The following SLC9C2 variants were observed in gnomAD, a reference collection of about 807,000 sequenced individuals.
SLC9C2 encodes the protein sodium/hydrogen exchanger 11.
In SLC9C2, 75 loss-of-function variants were observed where a neutral mutation model predicts 140.2. The observed-to-expected ratio is 0.53, with a 90% confidence interval of 0.44 to 0.65. The LOEUF is 0.65. SLC9C2 is among the 30% of genes least tolerant of loss of function. SLC9C2 has a pLI of 0.00. For missense variants in SLC9C2, 1,074 were observed against 1,331.8 expected (o/e 0.81, Z 3.01); for synonymous variants, 375 against 420.9 (o/e 0.89, Z 1.34).
intron 4 of SLC9C2, among the ~76,000 whole-genome samples, chr1:173,591,980 C>A (rs1666190457): frequency 6.6e-6 from 1 of 152,088 alleles, no homozygotes; most frequent in African/African-American, 2.4e-5. Flanking sequence ...GCTTATCTTC[C>A]ATGGTTTTTA....
intron 9 of SLC9C2, among the ~76,000 whole-genome samples, chr1:173,558,939 T>C (rs540173483): frequency 4.6e-5 from 7 of 152,280 alleles, no homozygotes; most frequent in African/African-American, 1.4e-4. Flanking sequence ...TTGGAAAAGG[T>C]CCTTTGCTTT....
intron 23 of SLC9C2, among the ~76,000 whole-genome samples, chr1:173,515,494 G>A (rs1660354066): frequency 6.6e-6 from 1 of 152,164 alleles, no homozygotes; most frequent in Non-Finnish European, 1.5e-5. Flanking sequence ...TTCATGCTGT[G>A]TTTTTCAGCT....
At chr1:173,563,967 G>A (rs994700525) in intron 9 of SLC9C2, among the ~76,000 whole-genome samples, 9 of 151,930 alleles carry the variant, frequency 5.9e-5, no homozygotes, top group African/African-American at 1.9e-4. Context: ...TTGTCTTTCT[G>A]TGCCTGGCTT....
At chr1:173,533,490 G>C (rs775611296) in intron 17 of SLC9C2, 119 bp downstream of exon 17, 4 of 678,200 alleles carry the variant, frequency 5.9e-6, no homozygotes, top group Non-Finnish European at 1.0e-5. Flanking sequence ...TGTTACCCAG[G>C]TTGTCTCAAA....
chr1:173,591,259 T>C (rs997239519), intron 4 of SLC9C2, among the ~76,000 whole-genome samples: 4 of 152,236 alleles, frequency 2.6e-5, no homozygotes, highest in African/African-American at 9.6e-5. Context: ...ATGTACATTT[T>C]CTTTATACAA....
chr1:173,593,994 C>T (rs1418386003), intron 4 of SLC9C2, among the ~76,000 whole-genome samples: 1 of 151,982 alleles, frequency 6.6e-6, no homozygotes, highest in Non-Finnish European at 1.5e-5. Context: ...AACTACTGTA[C>T]AGAACACCAA....
At chr1:173,576,630 G>T in intron 8 of SLC9C2, 31 bp downstream of exon 8, 1 of 1,407,902 alleles carries the variant, frequency 7.1e-7, no homozygotes, top group Non-Finnish European at 1.0e-6. Context: ...ACTGCTATGA[G>T]ATCCATCGAA....
chr1:173,505,411 T>C, intron 25 of SLC9C2, 80 bp from the exon 26 acceptor site: 1 of 1,099,168 alleles, frequency 9.1e-7, no homozygotes, highest in Non-Finnish European at 1.4e-6. Context: ...TTCCAAAGAG[T>C]ATAAAAAATA....
intron 9 of SLC9C2, among the ~76,000 whole-genome samples, chr1:173,568,628 T>A (rs1664648902): frequency 6.6e-6 from 1 of 152,184 alleles, no homozygotes; most frequent in South Asian, 2.1e-4. Context: ...TGATTTATAT[T>A]CCTCTGGGTA....
intron 4 of SLC9C2, among the ~76,000 whole-genome samples, chr1:173,589,972 G>A (rs915050205): frequency 6.6e-6 from 1 of 152,174 alleles, no homozygotes; most frequent in Non-Finnish European, 1.5e-5. Context: ...GCCTGGCACC[G>A]TGGCTCACTC....
chr1:173,577,930 GA>G (rs1200499181), intron 7 of SLC9C2, among the ~76,000 whole-genome samples: 1 of 152,048 alleles, frequency 6.6e-6, no homozygotes, highest in Non-Finnish European at 1.5e-5. Context: ...ATAAAACCAG[GA>G]GTGCCGCAAA....
chr1:173,535,809 T>C (rs987988684), intron 15 of SLC9C2, 21 bp downstream of exon 15: 4 of 1,479,146 alleles, frequency 2.7e-6, no homozygotes, highest in Non-Finnish European at 2.7e-6. Context: ...TATGTTTCTA[T>C]TAAAGGTTCA....
intron 17 of SLC9C2, among the ~76,000 whole-genome samples, chr1:173,531,068 G>A (rs1359985073): frequency 6.6e-6 from 1 of 151,826 alleles, no homozygotes; most frequent in Non-Finnish European, 1.5e-5. Context: ...ATGCAGATTT[G>A]TTTTTTTTGA....
At chr1:173,561,768 C>A (rs1381027) in intron 9 of SLC9C2, among the ~76,000 whole-genome samples, 29,568 of 151,710 alleles carry the variant, frequency 0.19, 4,162 homozygotes, top group East Asian at 0.64. Context: ...ATTGCCACCA[C>A]CAGTGACCAA....
intron 23 of SLC9C2, among the ~76,000 whole-genome samples, chr1:173,512,778 G>C (rs914979329): frequency 2.6e-5 from 4 of 152,126 alleles, no homozygotes; most frequent in Non-Finnish European, 2.9e-5. Flanking sequence ...TATGATATTG[G>C]CTGTGGGTTT....
At chr1:173,542,809 GC>G (rs774434587) in intron 13 of SLC9C2, among the ~76,000 whole-genome samples, 2 of 152,076 alleles carry the variant, frequency 1.3e-5, no homozygotes, top group East Asian at 1.9e-4. Flanking sequence ...AAATTCAACA[GC>G]CCTACATGCT....
chr1:173,572,463 C>T (rs1664903737), intron 9 of SLC9C2, among the ~76,000 whole-genome samples: 1 of 152,170 alleles, frequency 6.6e-6, no homozygotes, highest in Non-Finnish European at 1.5e-5. Context: ...CTACCCTGGC[C>T]ACCATCCTGA....
intron 9 of SLC9C2, among the ~76,000 whole-genome samples, chr1:173,558,492 T>C (rs1663867672): frequency 6.6e-6 from 1 of 152,182 alleles, no homozygotes; most frequent in Non-Finnish European, 1.5e-5. Flanking sequence ...AGCCTTGCCT[T>C]TTACTAACTG....
chr1:173,521,364 A>G lies in SLC9C2; in HGVS notation c.2676T>C (p.Asp892=). Reference sequence around the variant, plus strand: ...GCATTTCACCTCCTTTACAAATGGTATCTCCAGAGTCAAAACAGGCAAGTT... The same window carrying G: ...GCATTTCACCTCCTTTACAAATGGTGTCTCCAGAGTCAAAACAGGCAAGTT... ...RAKLACFDSG[D]TICKGGEMPQ... The change falls in exon 22 of 28, where the codon GAT becomes GAC. Residue 892 remains aspartate, a synonymous_variant. Coordinates refer to ENST00000367714, the MANE Select transcript of SLC9C2 (RefSeq NM_178527.4). The G allele has an allele frequency of 6.4e-7, 1 of 1,555,748 alleles. No homozygotes were observed. Among genetic ancestry groups the G allele is most frequent in the Non-Finnish European group, 8.6e-7 (1 of 1,158,680 alleles).
Sources: allele counts gnomAD v4.1 joint callset (sites outside exome capture counted in the v4.1 genomes callset), GRCh38; gene constraint gnomAD v4.1.1; transcripts MANE v1.5; gene names NCBI Gene and HGNC (gene_info 2026-07-23, HGNC 2026-07-21).